The following HINFP variants were observed in gnomAD, a reference collection of about 807,000 sequenced individuals.
The protein encoded by HINFP is histone H4 transcription factor.
A neutral mutation model predicts 50.1 loss-of-function variants in HINFP; 20 were observed. The observed-to-expected ratio is 0.40, with a 90% CI of 0.28 to 0.58. The LOEUF (loss-of-function observed/expected upper bound fraction) is 0.58. HINFP is among the 20% of genes least tolerant of loss of function. HINFP has a pLI of 0.45. For missense variants in HINFP, 505 were observed against 664.1 expected (o/e 0.76, Z 2.63); for synonymous variants, 247 against 243.7 (o/e 1.01, Z -0.13).
chr11:119,132,422 A>G, intron 5 of HINFP, 74 bp from the exon 6 acceptor site: 1 of 1,487,204 alleles, frequency 6.7e-7, no homozygotes, highest in Non-Finnish European at 9.4e-7. Context: ...TCTGCCTGGG[A>G]TGGTTCCCCT....
intron 5 of HINFP, 139 bp downstream of exon 5, chr11:119,132,121 GTC>G: frequency 1.2e-6 from 1 of 851,420 alleles, no homozygotes; most frequent in South Asian, 1.6e-5. Context: ...ACCTCCCATA[GTC>G]TCTTTGCTGA....
chr11:119,123,128 CA>C (rs1174844499), intron 1 of HINFP, among the ~76,000 whole-genome samples: 7,265 of 75,920 alleles, frequency 0.096, 130 homozygotes, highest in South Asian at 0.32. Flanking sequence ...ACTCCATCTC[CA>C]AAAAAAAAAA....
chr11:119,124,729 T>G (rs1442162844), intron 1 of HINFP: 1 of 152,134 alleles, frequency 6.6e-6, no homozygotes, highest in Non-Finnish European at 1.5e-5. Flanking sequence ...ATCCCAGCAC[T>G]CTGGGAGGCT....
At chr11:119,123,429 C>T (rs1265303341) in intron 1 of HINFP, among the ~76,000 whole-genome samples, 1 of 152,138 alleles carries the variant, frequency 6.6e-6, no homozygotes, top group East Asian at 1.9e-4. Flanking sequence ...TTGAGAAGAG[C>T]CTTGCATTTC....
At position 119,131,565 on chromosome 11, in the gene HINFP, C is replaced by G; in HGVS notation, c.442C>G (p.Arg148Gly). The change falls in exon 4 of 10, where the codon CGG becomes GGG. Residue 148 changes from arginine to glycine, a missense_variant. By Grantham distance (125) the Arg-to-Gly change is moderately radical. Transcript: ENST00000350777. This position sits in a 1 kb window ranked among gnomAD's most constrained non-coding sequence, Gnocchi z 4.2. ...CTTCGACAATCCTGAGTGGTTTTAT[C>G]GGCATGTGGAAGCACACAGTCTGTG... is the stretch of plus-strand genomic sequence containing the variant. The part of the protein sequence containing the change: ...NSFDNPEWFY[R>G]HVEAHSLCCE... The G allele has an allele frequency of 6.2e-7, 1 of 1,614,100 alleles. No homozygotes were observed.
intron 1 of HINFP, among the ~76,000 whole-genome samples, chr11:119,123,144 A>AAAAAAAAAAAAAAAAAAC (rs1947177834): frequency 6.6e-6 from 1 of 151,358 alleles, no homozygotes; most frequent in African/African-American, 2.4e-5. Flanking sequence ...AAAAAAAAAA[A>AAAAAAAAAAAAAAAAAAC]AAAAAAAGAA....
chr11:119,123,247 A>T (rs1947188529), intron 1 of HINFP, among the ~76,000 whole-genome samples: 1 of 151,738 alleles, frequency 6.6e-6, no homozygotes, highest in Non-Finnish European at 1.5e-5. Flanking sequence ...TGGGTGAGGA[A>T]GCCAGAGAAC....
chr11:119,131,972 C>G lies in HINFP; in HGVS notation c.666C>G (p.Thr222=), dbSNP rs1022226748. ...TCTTAGATCACATCCGTCGCCAGAC[C>G]TCATTGGATCGTAAGTAGTCAGAGG... ...TKFLDHIRRQ[T]SLDQQHFQCS... The change falls in exon 5 of 10, where the codon ACC becomes ACG. Residue 222 remains threonine, a synonymous_variant. Coordinates refer to ENST00000350777, the MANE Select transcript of HINFP (RefSeq NM_198971.3). This position sits in a 1 kb window ranked among gnomAD's most constrained non-coding sequence, Gnocchi z 4.2. 3.7e-6 allele frequency: 6 copies of G among 1,614,058 alleles called. No individual in the cohort carries two copies. The highest frequency in any genetic ancestry group is 5.1e-6 in the Non-Finnish European group (6 of 1,180,012).
At chr11:119,133,403 A>G in intron 9 of HINFP, 184 bp downstream of exon 9, 1 of 627,998 alleles carries the variant, frequency 1.6e-6, no homozygotes, top group South Asian at 1.8e-5. Context: ...ACATGGTGAA[A>G]CCCCGTCTCT....
intron 6 of HINFP, 39 bp downstream of exon 6, chr11:119,132,612 C>A (rs662069): frequency 0.41 from 655,697 of 1,613,708 alleles, 138,756 homozygotes; most frequent in East Asian, 0.72. Flanking sequence ...TCCTGCCCTC[C>A]AAGGTTCCAC....
Position 119,136,050 on chromosome 11 carries a change from AAAAG to A in HINFP, c.*1556_*1559del, listed in dbSNP as rs1441865024. The A allele has an allele frequency of 2.0e-5, 3 of 151,776 alleles. No individual in the cohort carries two copies. The highest frequency in any genetic ancestry group is 4.2e-4 in the South Asian group (2 of 4,810). The allele number at this position is 151,776 out of a possible 1,614,324, so 9.4% of individuals were successfully genotyped here. On this transcript the variant is annotated 3_prime_UTR_variant, in exon 10 of 10. Coordinates refer to ENST00000350777, the MANE Select transcript of HINFP (RefSeq NM_198971.3). ...CAAATAAATAAATAAATAAAGAAAG[AAAAG>A]AAAAACTGTGTGTGTCTATTTGTGG...
Position 119,130,903 on chromosome 11 carries a change from C to G in HINFP, c.360C>G (p.Asn120Lys). Residue 120 changes from asparagine (N) to lysine (K), a missense_variant, in exon 3 of 10, where the codon AAC (asparagine) becomes AAG (lysine). Physicochemically the swap from Asn to Lys is moderately conservative, Grantham distance 94. Coordinates refer to ENST00000350777, the MANE Select transcript of HINFP (RefSeq NM_198971.3). ...GPCILDFQSR[N>K]VIPDIPDHFL... ...GCATCCTGGACTTCCAGAGCCGGAA[C>G]GTCATCCCTGATATCCCTGACCACT... 1 of 1,614,204 alleles carries G rather than the reference C, an allele frequency of 6.2e-7. No homozygotes were observed. Among genetic ancestry groups the G allele is most frequent in the Middle Eastern group, 1.6e-4 (1 of 6,062 alleles).
intron 2 of HINFP, among the ~76,000 whole-genome samples, chr11:119,129,700 G>T (rs1004112835): frequency 2.0e-5 from 3 of 151,582 alleles, no homozygotes; most frequent in Non-Finnish European, 4.4e-5. Flanking sequence ...TCCTGACCTC[G>T]TGATCTGTCT....
rs1215644396 is a variant in HINFP, at chr11:119,128,457, C to T, written c.181+1332C>T. 2.0e-5 allele frequency among the ~76,000 whole-genome samples: 3 copies of T among 151,542 alleles called. No individual in the cohort carries two copies. The East Asian group carries it at 5.8e-4, about 30-fold the overall frequency. ...AGTAGCTGGGATTACAGGTGCGTGC[C>T]ACTACGCCCGTCTAATTTTTTTTTG... On this transcript the variant is annotated intron_variant, in intron 2 of 9. Coordinates refer to ENST00000350777, the MANE Select transcript of HINFP (RefSeq NM_198971.3).
At chr11:119,122,820 C>T (rs977665629) in intron 1 of HINFP, among the ~76,000 whole-genome samples, 29 of 151,890 alleles carry the variant, frequency 1.9e-4, no homozygotes, top group African/African-American at 7.0e-4. Context: ...GTTTGAAAGG[C>T]GAATAGAAGT....
chr11:119,134,394 T>G lies in HINFP; in HGVS notation c.1450T>G (p.Ser484Ala), dbSNP rs746427497. Residue 484 changes from serine (S) to alanine (A), a missense_variant, in exon 10 of 10, where the codon TCT (serine) becomes GCT (alanine). Physicochemically the swap from Ser to Ala is moderately conservative, Grantham distance 99. Coordinates refer to ENST00000350777, the MANE Select transcript of HINFP (RefSeq NM_198971.3). This position sits in a 1 kb window ranked among gnomAD's most constrained non-coding sequence, Gnocchi z 4.3. ...GCAAGAGATCGTCTACTATGTGCTG[T>G]CTGAAGCCCCAGGGGAGCCTCCCCC... Reference protein sequence around the residue: ...GQQEIVYYVLSEAPGEPPPAP... With the variant: ...GQQEIVYYVLAEAPGEPPPAP... The G allele has an allele frequency of 6.2e-7, 1 of 1,614,140 alleles. No homozygotes were observed. Among genetic ancestry groups the G allele is most frequent in the Non-Finnish European group, 8.5e-7 (1 of 1,179,978 alleles).
intron 1 of HINFP, among the ~76,000 whole-genome samples, chr11:119,122,994 G>T (rs1169286218): frequency 1.3e-5 from 2 of 151,898 alleles, no homozygotes; most frequent in Admixed American, 6.6e-5. Context: ...GTGGTGGTGC[G>T]TGCTTATAGT....
chr11:119,127,195 G>T (rs1412949257), intron 2 of HINFP, 70 bp downstream of exon 2: 17 of 1,301,882 alleles, frequency 1.3e-5, no homozygotes, highest in Non-Finnish European at 1.6e-5. Context: ...CTTTTCCTTA[G>T]AGGGAGAAGG....
At chr11:119,133,485 G>A (rs1187691127) in intron 9 of HINFP, 2 of 394,546 alleles carry the variant, frequency 5.1e-6, no homozygotes, top group Non-Finnish European at 9.3e-6. Context: ...AGGCTGAGGT[G>A]GGAGAATCAC....
Sources: allele counts gnomAD v4.1 joint callset (sites outside exome capture counted in the v4.1 genomes callset), GRCh38; gene constraint gnomAD v4.1.1; non-coding constraint Gnocchi (gnomAD v3.1); transcripts MANE v1.5; gene names NCBI Gene and HGNC (gene_info 2026-07-23, HGNC 2026-07-21).